Variants in MTUS2 observed in about 807,000 individuals in gnomAD.
MTUS2 encodes the protein microtubule associated scaffold protein 2.
MTUS2 carries 40 observed loss-of-function variants against 114.1 expected under a neutral mutation model. That is an observed-to-expected ratio of 0.35 (90% confidence interval 0.27 to 0.46). MTUS2 has a LOEUF of 0.46. Ranked by LOEUF, MTUS2 falls within the 20% of genes least tolerant of loss-of-function variation. MTUS2 has a pLI of 1.00. For missense variants in MTUS2, 1,679 were observed against 1,705.4 expected (o/e 0.98, Z 0.27); for synonymous variants, 688 against 672.0 (o/e 1.02, Z -0.37).
chr13:29,359,923 G>A (rs552960360), intron 8 of MTUS2, among the ~76,000 whole-genome samples: 58 of 152,136 alleles, frequency 3.8e-4, no homozygotes, highest in Non-Finnish European at 7.6e-4. Flanking sequence ...GCTTGGCCTG[G>A]GACTCTTCTC....
At chr13:29,366,269 G>A (rs918708904) in intron 8 of MTUS2, among the ~76,000 whole-genome samples, 1 of 152,192 alleles carries the variant, frequency 6.6e-6, no homozygotes, top group Non-Finnish European at 1.5e-5. Context: ...TGGCGGCAGA[G>A]AAGAGAAGAG....
At chr13:29,412,406 A>C (rs559293650) in intron 8 of MTUS2, among the ~76,000 whole-genome samples, 1 of 152,292 alleles carries the variant, frequency 6.6e-6, no homozygotes, top group South Asian at 2.1e-4. Context: ...ACCTTAAATT[A>C]CTGGCTTAAG....
intron 2 of MTUS2, among the ~76,000 whole-genome samples, chr13:28,868,205 T>A (rs1367438888): frequency 6.6e-6 from 1 of 152,204 alleles, no homozygotes; most frequent in Non-Finnish European, 1.5e-5. Flanking sequence ...AGGTGAAAAT[T>A]CACATCGTGA....
At chr13:29,213,648 A>G (rs1895548897) in intron 5 of MTUS2, among the ~76,000 whole-genome samples, 1 of 152,174 alleles carries the variant, frequency 6.6e-6, no homozygotes, top group African/African-American at 2.4e-5. Context: ...TAATAGAGCC[A>G]CTTTGGCTTT....
At chr13:29,310,691 A>T (rs1402456519) in intron 6 of MTUS2, among the ~76,000 whole-genome samples, 2 of 152,240 alleles carry the variant, frequency 1.3e-5, no homozygotes, top group Non-Finnish European at 2.9e-5. Context: ...AATCACAGCG[A>T]GGTGTATATC....
intron 1 of MTUS2, among the ~76,000 whole-genome samples, chr13:28,829,259 C>T (rs182013198): frequency 1.3e-5 from 2 of 152,286 alleles, no homozygotes; most frequent in Admixed American, 1.3e-4. Flanking sequence ...GGCACAGTGG[C>T]TCACACCTGT....
intron 2 of MTUS2, among the ~76,000 whole-genome samples, chr13:28,901,227 T>C (rs1460569595): frequency 6.6e-6 from 1 of 152,230 alleles, no homozygotes; most frequent in Non-Finnish European, 1.5e-5. Context: ...TTTTAAGTCT[T>C]GACTTTTGAG....
chr13:28,952,320 T>C (rs1882850831), intron 2 of MTUS2, among the ~76,000 whole-genome samples: 1 of 152,230 alleles, frequency 6.6e-6, no homozygotes, highest in South Asian at 2.1e-4. Flanking sequence ...ATATATGAGC[T>C]CATTTGTACA....
At chr13:29,198,524 T>G (rs948802565) in intron 5 of MTUS2, among the ~76,000 whole-genome samples, 2 of 152,230 alleles carry the variant, frequency 1.3e-5, no homozygotes, top group Admixed American at 6.5e-5. Context: ...CTTTGTTCTT[T>G]TTGCTTAGGA....
intron 9 of MTUS2, among the ~76,000 whole-genome samples, chr13:29,452,288 A>G (rs1878739367): frequency 6.6e-6 from 1 of 152,206 alleles, no homozygotes; most frequent in Non-Finnish European, 1.5e-5. Flanking sequence ...TGATATTTAT[A>G]AAATTCTTTT....
chr13:29,444,176 C>A (rs1878105423), intron 9 of MTUS2, among the ~76,000 whole-genome samples: 1 of 152,192 alleles, frequency 6.6e-6, no homozygotes, highest in Non-Finnish European at 1.5e-5. Flanking sequence ...ATAATCCCAG[C>A]ACTTTGGGAG....
chr13:29,373,751 G>T (rs768982993), intron 8 of MTUS2, among the ~76,000 whole-genome samples: 3 of 152,180 alleles, frequency 2.0e-5, no homozygotes, highest in Non-Finnish European at 4.4e-5. Context: ...GCCTGCTGCT[G>T]ATTATTCATT....
chr13:29,029,718 A>G (rs1886727156), intron 3 of MTUS2, among the ~76,000 whole-genome samples: 1 of 152,192 alleles, frequency 6.6e-6, no homozygotes. Flanking sequence ...TCAAGGGGGA[A>G]GAAGAAGGGG....
chr13:29,024,705 G>A lies in MTUS2; in HGVS notation c.7G>A (p.Val3Ile), dbSNP rs117237504. 1,959 of 1,613,684 alleles carry A rather than the reference G, an allele frequency of 1.2e-3. 27 individuals carry two copies. In the East Asian group the frequency reaches 0.035, roughly 29 times the overall value. ...CCCCACCAAAGGGTTGACAATGAGC[G>A]TCCCAGTGGCTCCTAAGAAATCATG... MS[V>I]PVAPKKSCYT... is the part of the protein sequence containing the mutation. Residue 3 changes from valine to isoleucine, a missense_variant, in exon 3 of 16, where the codon GTC becomes ATC. Around this residue, in one of 3 missense-constraint regions of MTUS2, gnomAD observed 843 missense variants for 770.8 expected, o/e 1.09. Coordinates refer to ENST00000612955, the MANE Select transcript of MTUS2 (RefSeq NM_001033602.4).
chr13:29,105,313 A>G (rs9508279), intron 5 of MTUS2, among the ~76,000 whole-genome samples: 102,193 of 152,064 alleles, frequency 0.67, 35,051 homozygotes, highest in Non-Finnish European at 0.74. Context: ...CTTTAGGAAC[A>G]TGTGCGGAGG....
At chr13:29,081,969 T>TTTCA (rs1889463645) in intron 4 of MTUS2, among the ~76,000 whole-genome samples, 3 of 152,180 alleles carry the variant, frequency 2.0e-5, no homozygotes, top group Admixed American at 2.0e-4. Context: ...TGTCCGATTG[T>TTTCA]GGTGACCCTT....
At chr13:29,352,544 A>G (rs887330008) in intron 7 of MTUS2, among the ~76,000 whole-genome samples, 2 of 152,148 alleles carry the variant, frequency 1.3e-5, no homozygotes, top group Non-Finnish European at 2.9e-5. Flanking sequence ...CCTGGCAACC[A>G]CTAGTCTACT....
chr13:28,948,567 T>C (rs1001561141), intron 2 of MTUS2, among the ~76,000 whole-genome samples: 29 of 152,214 alleles, frequency 1.9e-4, no homozygotes, highest in African/African-American at 6.5e-4. Flanking sequence ...TCTTGATTTC[T>C]AAGATTTTTC....
chr13:29,432,439 C>T (rs997610859), intron 8 of MTUS2, among the ~76,000 whole-genome samples: 10 of 152,150 alleles, frequency 6.6e-5, no homozygotes, highest in Admixed American at 2.0e-4. Flanking sequence ...AACTATAATA[C>T]GAGCTTCCTT....
Sources: gnomAD v4.1 joint callset for allele counts (sites outside exome capture counted in the v4.1 genomes callset) on GRCh38, gnomAD v4.1.1 for gene constraint, gnomAD v4.1.1 regional missense constraint, MANE v1.5 for transcripts, NCBI Gene and HGNC (gene_info 2026-07-23, HGNC 2026-07-21) for gene names.